Variants in SHPRH observed in about 807,000 individuals in gnomAD.
The protein encoded by SHPRH is E3 ubiquitin-protein ligase SHPRH.
A neutral mutation model predicts 202.5 loss-of-function variants in SHPRH; 106 were observed. The ratio of observed to expected loss-of-function variants is 0.52; its 90% CI spans 0.45 to 0.62. SHPRH has a LOEUF of 0.62. SHPRH is among the 20% of genes least tolerant of loss of function. SHPRH has a pLI of 0.00. For synonymous variants in SHPRH, 729 were observed against 686.0 expected, an observed-to-expected ratio of 1.06 and a Z score of -0.98; for missense variants, 1,710 against 2,020.0, an observed-to-expected ratio of 0.85 and a Z score of 2.94.
chr6:145,901,185 A>C (rs1782475374), intron 25 of SHPRH, among the ~76,000 whole-genome samples: 7 of 152,164 alleles, frequency 4.6e-5, no homozygotes, highest in Admixed American at 4.6e-4. Context: ...CTCCAAATAC[A>C]TAACACTCTA....
Position 145,950,438 on chromosome 6 carries a change from C to T in SHPRH, c.808G>A (p.Gly270Arg). 1 of 1,613,124 alleles carries T rather than the reference C, an allele frequency of 6.2e-7. No homozygotes were observed. The highest frequency in any genetic ancestry group is 8.5e-7 in the Non-Finnish European group (1 of 1,179,360). Reference protein sequence around the residue: ...DEDDPESEPEGQDIDELYHFV... With the variant: ...DEDDPESEPERQDIDELYHFV... The stretch of plus-strand genomic sequence containing the variant: ...TGATACAGCTCGTCAATGTCTTGTC[C>T]CTCTGGCTCACTCTCCGGATCATCT... Residue 270 changes from glycine (G) to arginine (R), a missense_variant, in exon 4 of 30, where the codon GGA becomes AGA. Gly to Arg is a moderately radical substitution (Grantham distance 125). Coordinates refer to ENST00000275233, the MANE Select transcript of SHPRH (RefSeq NM_001042683.3).
chr6:145,952,769 G>T (rs1190859406), intron 2 of SHPRH, among the ~76,000 whole-genome samples: 1 of 152,042 alleles, frequency 6.6e-6, no homozygotes, highest in Non-Finnish European at 1.5e-5. Context: ...ATCTACCAAT[G>T]CAATGATTCC....
chr6:145,893,520 A>T, intron 27 of SHPRH, 127 bp from the exon 28 acceptor site: 2 of 853,838 alleles, frequency 2.3e-6, no homozygotes, highest in Non-Finnish European at 3.3e-6. Flanking sequence ...TAAGAAACTT[A>T]AATGCAAAAT....
At chr6:145,884,596 A>T (rs1307368022), downstream of SHPRH, 6 of 152,224 alleles carry the variant, frequency 3.9e-5, no homozygotes, top group African/African-American at 4.8e-5. Flanking sequence ...AAGAAAACTT[A>T]AAAAATCCTT....
chr6:145,954,603 C>A lies in SHPRH; in HGVS notation c.633+87G>T. ...TTAACAATGAAAGGCTTATTGCTGG[C>A]TTTTCAGACTTCTCTCACAAGTTAA... On this transcript the variant is annotated intron_variant, in intron 2 of 29. Coordinates refer to ENST00000275233, the MANE Select transcript of SHPRH (RefSeq NM_001042683.3). 9 of 1,402,186 alleles carry A rather than the reference C, an allele frequency of 6.4e-6. No individual in the cohort carries two copies. In the South Asian group the frequency reaches 1.3e-4, roughly 20 times the overall value. The allele number at this position is 1,402,186 out of a possible 1,614,324, so 86.9% of individuals were successfully genotyped here. A position where few individuals can be genotyped will look rare whatever the true frequency, so the allele number is the denominator to read the frequency against.
downstream of SHPRH, chr6:145,884,568 G>T (rs1455210599): frequency 6.6e-6 from 1 of 152,108 alleles, no homozygotes; most frequent in Admixed American, 6.6e-5. Flanking sequence ...TATTTCAGAG[G>T]CTATAAAATA....
intron 20 of SHPRH, 95 bp downstream of exon 20, chr6:145,922,191 G>T: frequency 1.9e-6 from 2 of 1,041,956 alleles, no homozygotes; most frequent in Non-Finnish European, 2.8e-6. Context: ...TATAATAAAG[G>T]TTACTGTGGG....
In SHPRH at chr6:145,913,495, G is replaced by A. The variant is rs780564008; in HGVS notation, c.4309C>T (p.Arg1437Ter). Residue 1437 changes from arginine to a stop codon, truncating the protein, a stop_gained, in exon 24 of 30, where the codon CGA becomes TGA. Coordinates refer to ENST00000275233, the MANE Select transcript of SHPRH (RefSeq NM_001042683.3). LOFTEE classifies it high-confidence loss of function. ...AATTTTACCTGTTTTCCTAGCTGTC[G>A]AGCACAGATTGGGCAAGGTTCTGGA... ...VNPEPCPICA[R>*]QLGKQWAVLT... is the part of the protein sequence containing the mutation. 3.1e-6 allele frequency: 5 copies of A among 1,609,668 alleles called. No individual in the cohort carries two copies. The highest frequency in any genetic ancestry group is 2.2e-5 in the South Asian group (2 of 90,436).
intron 14 of SHPRH, among the ~76,000 whole-genome samples, chr6:145,928,853 G>T (rs1785143522): frequency 7.1e-6 from 1 of 140,560 alleles, no homozygotes; most frequent in Non-Finnish European, 1.5e-5. Flanking sequence ...AAATAAGGGA[G>T]AAGATTATTT....
At chr6:145,923,819 A>AT (rs769340607) in intron 17 of SHPRH, 34 bp from the exon 18 acceptor site, 40 of 1,593,830 alleles carry the variant, frequency 2.5e-5, no homozygotes, top group African/African-American at 9.5e-5. Context: ...CAATTAATAC[A>AT]TTTTTTTTAG....
chr6:145,934,731 A>G (rs191803107), intron 13 of SHPRH, among the ~76,000 whole-genome samples, 176 bp downstream of exon 13: 32 of 152,080 alleles, frequency 2.1e-4, no homozygotes, highest in Non-Finnish European at 1.5e-5. Context: ...GCTTAAAACC[A>G]TGAAAATAAT....
At chr6:145,875,164 C>G (rs1780244810) in intron 2 of SHPRH, among the ~76,000 whole-genome samples, 1 of 152,170 alleles carries the variant, frequency 6.6e-6, no homozygotes, top group African/African-American at 2.4e-5. Context: ...TCATCCTGTA[C>G]CATGGTAAAT....
At chr6:145,905,263 T>C (rs1782858440) in intron 25 of SHPRH, 2 of 152,138 alleles carry the variant, frequency 1.3e-5, no homozygotes. Context: ...AAAGACTATC[T>C]TTATGGAAAG....
chr6:145,886,318 T>A lies in SHPRH; in HGVS notation c.*373A>T. 1 of 584,032 alleles carries A rather than the reference T, an allele frequency of 1.7e-6. No homozygotes were observed. Among genetic ancestry groups the A allele is most frequent in the Non-Finnish European group, 3.2e-6 (1 of 316,684 alleles). The allele number at this position is 584,032 out of a possible 1,614,324, so 36.2% of individuals were successfully genotyped here. A position where few individuals can be genotyped will look rare whatever the true frequency, so the allele number is the denominator to read the frequency against. ...AAAACTGAGATCTATGTTTGTTCAA[T>A]ATACCAGGTCATATAAAACTAGACT... On this transcript the variant is annotated 3_prime_UTR_variant, in exon 30 of 30. Coordinates refer to ENST00000275233, the MANE Select transcript of SHPRH (RefSeq NM_001042683.3).
chr6:145,943,962 C>T (rs1329374451), intron 8 of SHPRH, among the ~76,000 whole-genome samples, 160 bp from the exon 9 acceptor site: 1 of 152,052 alleles, frequency 6.6e-6, no homozygotes, highest in East Asian at 1.9e-4. Context: ...CCAATCTGCC[C>T]TCTGTAAGGA....
rs2128818990 is a variant in SHPRH at position 145,964,357 on chromosome 6, G to GT, written c.-660dup. The GT allele has an allele frequency of 6.6e-6, 1 of 152,430 alleles. No homozygotes were observed. The highest frequency in any genetic ancestry group is 1.9e-4 in the East Asian group (1 of 5,168). The allele number at this position is 152,430 out of a possible 1,614,324, so 9.4% of individuals were successfully genotyped here. A position where few individuals can be genotyped will look rare whatever the true frequency, so the allele number is the denominator to read the frequency against. ...CTAGCTGCCGGGCGCGCGCTGTAGCGTGGGGTCAAGGCGAACGCGCTCGTC... is the reference window on the plus strand; with the variant it reads ...CTAGCTGCCGGGCGCGCGCTGTAGCGTTGGGGTCAAGGCGAACGCGCTCGTC... On this transcript the variant is annotated 5_prime_UTR_variant, in exon 1 of 30. Coordinates refer to ENST00000275233, the MANE Select transcript of SHPRH (RefSeq NM_001042683.3).
rs958182625 is a variant in SHPRH at position 145,894,201 on chromosome 6, A to G, written c.4644T>C (p.Leu1548=). ...GTGCAAATTCCATGTTGTTGTCAGT[A>G]AGAGCTTTTGAAATAATATCTAATA... The part of the protein sequence containing the change: ...QDVLDIISKA[L]TDNNMEFAQI... Residue 1548 remains leucine, a synonymous_variant, in exon 27 of 30, where the codon CTT becomes CTC. Coordinates refer to ENST00000275233, the MANE Select transcript of SHPRH (RefSeq NM_001042683.3). 1.2e-6 allele frequency: 2 copies of G among 1,604,764 alleles called. No homozygotes were observed. Among genetic ancestry groups the G allele is most frequent in the Middle Eastern group, 1.7e-4 (1 of 6,038 alleles).
intron 26 of SHPRH, 31 bp downstream of exon 26, chr6:145,894,854 T>A (rs1485243565): frequency 6.3e-7 from 1 of 1,598,520 alleles, no homozygotes. Flanking sequence ...TCAGTTCGAA[T>A]TAATATTGAG....
downstream of SHPRH, among the ~76,000 whole-genome samples, chr6:145,863,685 T>G (rs1248118900): frequency 6.6e-6 from 1 of 152,170 alleles, no homozygotes; most frequent in Non-Finnish European, 1.5e-5. Flanking sequence ...AATTTTTGCC[T>G]CTTTAGGAGT....
Sources: gnomAD v4.1 joint callset for allele counts (sites outside exome capture counted in the v4.1 genomes callset) on GRCh38, gnomAD v4.1.1 for gene constraint, MANE v1.5 for transcripts, NCBI Gene and HGNC (gene_info 2026-07-23, HGNC 2026-07-21) for gene names.